SETD2: variants seen among roughly 807,000 people sequenced by gnomAD.
SETD2 encodes the protein histone-lysine N-methyltransferase SETD2.
Under a neutral mutation model 242.1 loss-of-function variants are expected in SETD2, and 31 were observed. The ratio of observed to expected loss-of-function variants is 0.13; its 90% CI spans 0.10 to 0.17. The LOEUF (loss-of-function observed/expected upper bound fraction) is 0.17, where lower values mean the gene tolerates loss of function less well. Among genes scored for constraint, SETD2 ranks in the 10% least tolerant of loss-of-function variants. The pLI is 1.00. For synonymous variants in SETD2, 1,006 were observed against 1,066.5 expected, an observed-to-expected ratio of 0.94 and a Z score of 1.11; for missense variants, 2,481 against 3,046.3, an observed-to-expected ratio of 0.81 and a Z score of 4.37.
At chr3:47,112,462 A>G (rs2042695116) in intron 5 of SETD2, among the ~76,000 whole-genome samples, 1 of 152,088 alleles carries the variant, frequency 6.6e-6, no homozygotes, top group South Asian at 2.1e-4. Flanking sequence ...TTGTATTTTT[A>G]GTAGTGACAG....
At chr3:47,159,874 C>CT (rs1321802369) in intron 1 of SETD2, among the ~76,000 whole-genome samples, 1 of 151,708 alleles carries the variant, frequency 6.6e-6, no homozygotes, top group Non-Finnish European at 1.5e-5. Context: ...ATTCAGGAGG[C>CT]TGAAGCAGGA....
intron 18 of SETD2, among the ~76,000 whole-genome samples, chr3:47,032,915 T>TG (rs2038838927): frequency 1.3e-5 from 2 of 149,720 alleles, no homozygotes; most frequent in Admixed American, 6.6e-5. Context: ...GTCTCAGAGA[T>TG]GAAAAAAAAA....
chr3:47,113,195 C>G, intron 5 of SETD2, among the ~76,000 whole-genome samples: 1 of 151,790 alleles, frequency 6.6e-6, no homozygotes, highest in South Asian at 2.1e-4. Flanking sequence ...CCTTGAACTC[C>G]CAGGCTCAAG....
intron 15 of SETD2, among the ~76,000 whole-genome samples, chr3:47,053,462 G>A (rs548585468): frequency 2.6e-5 from 4 of 152,002 alleles, no homozygotes; most frequent in South Asian, 4.2e-4. Context: ...ATAACTTTGT[G>A]AGAGTAAGTC....
chr3:47,164,230 G>A (rs1697603985), upstream of SETD2, among the ~76,000 whole-genome samples: 2 of 152,206 alleles, frequency 1.3e-5, no homozygotes, highest in South Asian at 4.1e-4. The surrounding 1 kb of genome is among the most constrained non-coding windows in gnomAD (Gnocchi z 5.4). Flanking sequence ...GGCGTGCCTT[G>A]CAGCTGTTGG....
intron 14 of SETD2, 96 bp downstream of exon 14, chr3:47,062,067 G>A (rs1366784846): frequency 2.4e-5 from 26 of 1,086,916 alleles, no homozygotes; most frequent in Non-Finnish European, 3.2e-5. Context: ...AATTCCAAAA[G>A]CCCTTGATGT....
intron 1 of SETD2, among the ~76,000 whole-genome samples, chr3:47,146,605 C>A (rs7648989): frequency 6.8e-6 from 1 of 146,010 alleles, no homozygotes; most frequent in African/African-American, 2.6e-5. Flanking sequence ...CCAACCTGGG[C>A]GACACAGTGA....
Position 47,127,797 on chromosome 3 carries a change from T to G in SETD2, c.72-1134A>C, listed in dbSNP as rs1420004014. On this transcript the variant is annotated intron_variant, in intron 1 of 20. Transcript: ENST00000409792. The stretch of plus-strand genomic sequence containing the variant: ...TGAACCCGGGAGGTGGAGGTTGCAG[T>G]GAGCCAAAGTCGTGCCATTGCACTC... Among the ~76,000 whole-genome samples the G allele has an allele frequency of 2.6e-5, 4 of 152,162 alleles. No homozygotes were observed. In the East Asian group the frequency reaches 5.8e-4, roughly 22 times the overall value.
At chr3:47,080,773 G>A (rs2041286891) in intron 12 of SETD2, 1 of 985,156 alleles carries the variant, frequency 1.0e-6, no homozygotes, top group Non-Finnish European at 1.2e-6. Flanking sequence ...GTGGTCCTGT[G>A]TATATAGGTA....
chr3:47,084,426 CTTTTTT>C (rs5848822), intron 11 of SETD2, 44 bp from the exon 12 acceptor site: 3 of 979,072 alleles, frequency 3.1e-6, no homozygotes, highest in Non-Finnish European at 2.9e-6. Context: ...GTACAGTTGA[CTTTTTT>C]TTTTTTTTTT....
chr3:47,062,429 CT>C, intron 13 of SETD2, 83 bp from the exon 14 acceptor site: 1 of 1,268,124 alleles, frequency 7.9e-7, no homozygotes, highest in East Asian at 2.3e-5. Flanking sequence ...AATGTATCAA[CT>C]GTATAATAAA....
intron 5 of SETD2, among the ~76,000 whole-genome samples, chr3:47,108,727 C>A (rs2042538016): frequency 6.6e-6 from 1 of 152,154 alleles, no homozygotes; most frequent in African/African-American, 2.4e-5. Flanking sequence ...CTGAGAGAAG[C>A]ATCTCAAAGT....
At chr3:47,110,791 C>A (rs1575792254) in intron 5 of SETD2, among the ~76,000 whole-genome samples, 1 of 152,006 alleles carries the variant, frequency 6.6e-6, no homozygotes, top group Non-Finnish European at 1.5e-5. Context: ...GTATATTTTA[C>A]CAAAGCAGGG....
chr3:47,037,561 C>T, intron 18 of SETD2, 105 bp downstream of exon 18: 2 of 796,360 alleles, frequency 2.5e-6, no homozygotes, highest in South Asian at 2.9e-5. Context: ...TGCATAGTCA[C>T]TCACTTATTT....
rs746888397 is a variant in SETD2 at position 47,120,154 on chromosome 3, T to C, written c.4454+28A>G. Reference sequence around the variant, plus strand: ...CTAACAACAAAAAAAGAGTTAAAATTTGTCAAACAAGTATTAATTAGACTT... The same window carrying C: ...CTAACAACAAAAAAAGAGTTAAAATCTGTCAAACAAGTATTAATTAGACTT... On this transcript the variant is annotated intron_variant, in intron 3 of 20. Transcript: ENST00000409792. 50 of 1,464,642 alleles carry C rather than the reference T, an allele frequency of 3.4e-5. No homozygotes were observed. In the South Asian group the frequency reaches 6.7e-4, roughly 20 times the overall value. 90.7% of individuals were successfully genotyped at this position (1,464,642 alleles called of 1,614,324 possible).
intron 1 of SETD2, among the ~76,000 whole-genome samples, chr3:47,131,544 C>G (rs892730196): frequency 6.6e-6 from 1 of 151,846 alleles, no homozygotes; most frequent in Non-Finnish European, 1.5e-5. Context: ...GGGGCTTCAC[C>G]GTGTTAGCCA....
intron 5 of SETD2, among the ~76,000 whole-genome samples, chr3:47,106,965 T>C (rs2042453049): frequency 6.6e-6 from 1 of 152,230 alleles, no homozygotes; most frequent in Non-Finnish European, 1.5e-5. Flanking sequence ...CTTTAGAATG[T>C]TATCAGTAAT....
chr3:47,116,895 G>A (rs991426833), intron 3 of SETD2, 141 bp from the exon 4 acceptor site: 29 of 581,898 alleles, frequency 5.0e-5, no homozygotes, highest in Non-Finnish European at 1.8e-5. Flanking sequence ...CCAGGCCAGG[G>A]TGCAGTGATG....
intron 1 of SETD2, among the ~76,000 whole-genome samples, chr3:47,141,045 T>G (rs561754025): frequency 6.6e-4 from 100 of 152,096 alleles, no homozygotes; most frequent in South Asian, 2.7e-3. Context: ...TCACCCAGGC[T>G]GGAGTGCAGT....
Sources: gnomAD v4.1 joint callset for allele counts (sites outside exome capture counted in the v4.1 genomes callset) on GRCh38, gnomAD v4.1.1 for gene constraint, Gnocchi (gnomAD v3.1) non-coding constraint, MANE v1.5 for transcripts, NCBI Gene and HGNC (gene_info 2026-07-23, HGNC 2026-07-21) for gene names.